ARHGAP18: variants seen among roughly 807,000 people sequenced by gnomAD.
ARHGAP18 encodes rho GTPase-activating protein 18.
Under a neutral mutation model 86.2 loss-of-function variants are expected in ARHGAP18, and 67 were observed. The ratio of observed to expected loss-of-function variants is 0.78; its 90% CI spans 0.64 to 0.95. The LOEUF (loss-of-function observed/expected upper bound fraction) is 0.95. Ranked by LOEUF, ARHGAP18 falls within the 40% of genes least tolerant of loss-of-function variation. ARHGAP18 has a pLI of 0.00. For synonymous variants in ARHGAP18, 283 were observed against 280.4 expected, an observed-to-expected ratio of 1.01 and a Z score of -0.09; for missense variants, 691 against 780.4, an observed-to-expected ratio of 0.89 and a Z score of 1.37.
Position 129,662,330 on chromosome 6 carries a change from G to A in ARHGAP18, c.114-20312C>T, listed in dbSNP as rs376388280. ...AGTGTGAAGGGCCCATCAGGGCATG[G>A]TGCCTGCTTCTCAGCTCCTTGGAAC... On this transcript the variant is annotated intron_variant, in intron 1 of 14. Coordinates refer to ENST00000368149, the MANE Select transcript of ARHGAP18 (RefSeq NM_033515.3). Among the ~76,000 whole-genome samples, 11 of 152,352 alleles carry A rather than the reference G, an allele frequency of 7.2e-5. 1 individual carries two copies. The East Asian group carries it at 1.7e-3, about 24-fold the overall frequency.
chr6:129,629,233 G>C (rs536733192), intron 5 of ARHGAP18, 120 bp downstream of exon 5: 108 of 702,232 alleles, frequency 1.5e-4, no homozygotes, highest in African/African-American at 2.1e-4. Flanking sequence ...CTGTCTGTCT[G>C]TCTCTCTCTC....
At chr6:129,698,972 C>T (rs1333446588) in intron 1 of ARHGAP18, among the ~76,000 whole-genome samples, 4 of 152,034 alleles carry the variant, frequency 2.6e-5, no homozygotes, top group African/African-American at 7.3e-5. Flanking sequence ...GGATTACAGG[C>T]ATGAGCCACA....
Position 129,618,759 on chromosome 6 carries a change from C to T in ARHGAP18, c.880G>A (p.Glu294Lys), listed in dbSNP as rs1283278656. 6.2e-7 allele frequency: 1 copy of T among 1,613,604 alleles called. No homozygotes were observed. The highest frequency in any genetic ancestry group is 8.5e-7 in the Non-Finnish European group (1 of 1,179,898). Reference protein sequence around the residue: ...MKKVCHLALIELTALYDVLGI... With the variant: ...MKKVCHLALIKLTALYDVLGI... The stretch of plus-strand genomic sequence containing the variant: ...AATACATCATAGAGGGCAGTCAGCT[C>T]AATTAGGGCTAAATGGCAAACTTTC... The change falls in exon 6 of 15, where the codon GAG (glutamate) becomes AAG (lysine). Residue 294 changes from glutamate to lysine, a missense_variant. Physicochemically the swap from Glu to Lys is moderately conservative, Grantham distance 56. Transcript: ENST00000368149.
chr6:129,668,291 T>C (rs142162265), intron 1 of ARHGAP18, among the ~76,000 whole-genome samples: 110 of 151,674 alleles, frequency 7.3e-4, no homozygotes, highest in African/African-American at 2.5e-3. Context: ...TATCAGTGCA[T>C]GGAGCACATG....
At chr6:129,637,966 A>G (rs1400757901) in intron 3 of ARHGAP18, among the ~76,000 whole-genome samples, 1 of 152,206 alleles carries the variant, frequency 6.6e-6, no homozygotes, top group Non-Finnish European at 1.5e-5. Flanking sequence ...TAGCTCCCTC[A>G]CATTCTACTT....
intron 2 of ARHGAP18, among the ~76,000 whole-genome samples, chr6:129,640,584 GAAATT>G (rs1403330901): frequency 6.6e-6 from 1 of 152,108 alleles, no homozygotes; most frequent in Non-Finnish European, 1.5e-5. Flanking sequence ...TTAGATCTAA[GAAATT>G]AAATTAAGAA....
At chr6:129,580,265 G>C (rs968916805) in intron 13 of ARHGAP18, 134 bp from the exon 14 acceptor site, 46 of 691,536 alleles carry the variant, frequency 6.7e-5, no homozygotes, top group Non-Finnish European at 1.1e-4. Flanking sequence ...CTACACGTTT[G>C]TATTTTCCCA....
At chr6:129,695,215 A>G (rs1774592782) in intron 1 of ARHGAP18, among the ~76,000 whole-genome samples, 1 of 152,192 alleles carries the variant, frequency 6.6e-6, no homozygotes, top group African/African-American at 2.4e-5. Context: ...TAGAGATTCA[A>G]AATATTCACC....
intron 12 of ARHGAP18, among the ~76,000 whole-genome samples, chr6:129,592,848 T>G (rs75292982): frequency 1.2e-4 from 18 of 152,244 alleles, no homozygotes; most frequent in African/African-American, 4.3e-4. Context: ...GAGGTAATTA[T>G]AAGATATCCT....
In ARHGAP18 at chr6:129,576,620, T is replaced by C. The variant is rs1788180775; in HGVS notation, c.*1893A>G. The C allele has an allele frequency of 6.6e-6, 1 of 152,202 alleles. No homozygotes were observed. Among genetic ancestry groups the C allele is most frequent in the African/African-American group, 2.4e-5 (1 of 41,456 alleles). The allele number at this position is 152,202 out of a possible 1,614,324, so 9.4% of individuals were successfully genotyped here. On this transcript the variant is annotated 3_prime_UTR_variant, in exon 15 of 15. Coordinates refer to ENST00000368149, the MANE Select transcript of ARHGAP18 (RefSeq NM_033515.3). Reference sequence around the variant, plus strand: ...AGATACTTTTTCATGATCAAAAATATGTTGTGTCTCCCTCCTGACCCTCCT... The same window carrying C: ...AGATACTTTTTCATGATCAAAAATACGTTGTGTCTCCCTCCTGACCCTCCT...
chr6:129,584,872 G>A (rs1788363793), intron 12 of ARHGAP18, among the ~76,000 whole-genome samples: 1 of 152,034 alleles, frequency 6.6e-6, no homozygotes, highest in African/African-American at 2.4e-5. Context: ...AAAAGATAAT[G>A]CTTTAAATAA....
intron 3 of ARHGAP18, among the ~76,000 whole-genome samples, chr6:129,636,092 A>G (rs1365518127): frequency 2.6e-5 from 4 of 152,234 alleles, no homozygotes; most frequent in Non-Finnish European, 4.4e-5. Context: ...AGAAAATGTC[A>G]TAATACTAAA....
At chr6:129,686,978 CT>C (rs71028176) in intron 1 of ARHGAP18, among the ~76,000 whole-genome samples, 58 of 106,956 alleles carry the variant, frequency 5.4e-4, no homozygotes, top group African/African-American at 1.7e-3. Flanking sequence ...TTTTTTTTTT[CT>C]TTTTTTTTTT....
intron 12 of ARHGAP18, among the ~76,000 whole-genome samples, chr6:129,585,174 C>T (rs535722138): frequency 6.6e-6 from 1 of 151,976 alleles, no homozygotes; most frequent in Non-Finnish European, 1.5e-5. Flanking sequence ...CACCTGTAAT[C>T]CCAGCTACTC....
At chr6:129,620,809 T>A (rs187141392) in intron 5 of ARHGAP18, among the ~76,000 whole-genome samples, 1 of 152,190 alleles carries the variant, frequency 6.6e-6, no homozygotes, top group African/African-American at 2.4e-5. Flanking sequence ...TCCAATATCC[T>A]TCCAAAAAGT....
chr6:129,619,662 G>A (rs1789186709), intron 5 of ARHGAP18, among the ~76,000 whole-genome samples: 2 of 147,478 alleles, frequency 1.4e-5, no homozygotes, highest in South Asian at 4.4e-4. Context: ...GGGAAACAGA[G>A]GAAGATGACA....
rs749015404 is a variant in ARHGAP18, at chr6:129,638,531, T to C, written c.415A>G (p.Thr139Ala). 7 of 1,614,056 alleles carry C rather than the reference T, an allele frequency of 4.3e-6. No individual in the cohort carries two copies. The highest frequency in any genetic ancestry group is 3.3e-5 in the Admixed American group (2 of 60,000). The change falls in exon 3 of 15, where the codon ACA (threonine) becomes GCA (alanine). Residue 139 changes from threonine (T) to alanine (A), a missense_variant. Transcript: ENST00000368149. ...DPQESIVFLSTLTRTQAAAVQ... is the reference protein window; with the variant it reads ...DPQESIVFLSALTRTQAAAVQ... ...GCTGCTGCCTGGGTCCGCGTCAATG[T>C]TGATAAAAACACAATGCTTTCCTGT...
chr6:129,658,864 TG>T (rs2114516918), intron 1 of ARHGAP18, among the ~76,000 whole-genome samples: 1 of 152,242 alleles, frequency 6.6e-6, no homozygotes, highest in East Asian at 1.9e-4. Flanking sequence ...AGCACAATTG[TG>T]GGGGTAATGG....
intron 1 of ARHGAP18, among the ~76,000 whole-genome samples, chr6:129,702,646 G>A (rs1003857244): frequency 6.6e-6 from 1 of 152,150 alleles, no homozygotes; most frequent in South Asian, 2.1e-4. Flanking sequence ...CCTCATCACA[G>A]TGACACCACT....
Sources: allele counts gnomAD v4.1 joint callset (sites outside exome capture counted in the v4.1 genomes callset), GRCh38; gene constraint gnomAD v4.1.1; transcripts MANE v1.5; gene names NCBI Gene and HGNC (gene_info 2026-07-23, HGNC 2026-07-21).